The following FAM227B variants were observed in gnomAD, a reference collection of about 807,000 sequenced individuals.
FAM227B encodes family with sequence similarity 227 member B.
A neutral mutation model predicts 73.8 loss-of-function variants in FAM227B; 88 were observed. The observed-to-expected ratio is 1.19, with a 90% confidence interval of 1.00 to 1.42. The LOEUF (loss-of-function observed/expected upper bound fraction) is 1.42, where lower values mean the gene tolerates loss of function less well. FAM227B is among the 40% of genes most tolerant of loss of function. FAM227B has a pLI of 0.00. For missense variants in FAM227B, 632 were observed against 590.9 expected, an observed-to-expected ratio of 1.07 and a Z score of -0.72; for synonymous variants, 210 against 190.5, an observed-to-expected ratio of 1.10 and a Z score of -0.84.
intron 13 of FAM227B, 105 bp from the exon 14 acceptor site, chr15:49,335,601 A>G: frequency 1.4e-6 from 1 of 695,226 alleles, no homozygotes. Flanking sequence ...TTCACTTTTC[A>G]GTAATGAAGA....
intron 11 of FAM227B, among the ~76,000 whole-genome samples, chr15:49,420,854 C>T (rs374396306): frequency 4.6e-5 from 7 of 152,030 alleles, no homozygotes; most frequent in African/African-American, 1.5e-4. Flanking sequence ...TACAGGCGCC[C>T]GCTACCATGC....
chr15:49,403,635 G>A (rs990600431), intron 11 of FAM227B, among the ~76,000 whole-genome samples: 1 of 151,564 alleles, frequency 6.6e-6, no homozygotes, highest in African/African-American at 2.4e-5. Context: ...GATTGTGTTT[G>A]TTTGGATCTT....
At chr15:49,545,813 T>A (rs971424982) in intron 9 of FAM227B, among the ~76,000 whole-genome samples, 1 of 152,146 alleles carries the variant, frequency 6.6e-6, no homozygotes, top group African/African-American at 2.4e-5. Flanking sequence ...AGGGTTCCTT[T>A]TGGAGTAATT....
At chr15:49,397,867 C>T (rs986978769) in intron 11 of FAM227B, among the ~76,000 whole-genome samples, 2 of 152,154 alleles carry the variant, frequency 1.3e-5, no homozygotes, top group Non-Finnish European at 2.9e-5. Flanking sequence ...CGGAAAGGAA[C>T]CACCGGTACC....
chr15:49,446,625 A>G (rs992896724), intron 11 of FAM227B, among the ~76,000 whole-genome samples: 2 of 151,560 alleles, frequency 1.3e-5, no homozygotes, highest in Non-Finnish European at 3.0e-5. Flanking sequence ...AAAATGTGAA[A>G]AAAAGGTGCA....
intron 11 of FAM227B, among the ~76,000 whole-genome samples, chr15:49,495,686 C>T (rs2057538821): frequency 6.6e-6 from 1 of 152,028 alleles, no homozygotes; most frequent in Non-Finnish European, 1.5e-5. Context: ...TTTATTATCC[C>T]TGAGCATTGC....
chr15:49,607,462 C>T (rs1450114473), intron 3 of FAM227B, among the ~76,000 whole-genome samples: 1 of 152,084 alleles, frequency 6.6e-6, no homozygotes, highest in Non-Finnish European at 1.5e-5. Flanking sequence ...AGAATGGCAG[C>T]CACATTTGAA....
chr15:49,620,364 C>G (rs532202792), intron 1 of FAM227B, among the ~76,000 whole-genome samples: 2 of 152,240 alleles, frequency 1.3e-5, no homozygotes, highest in South Asian at 4.1e-4. Context: ...AACATTTGAC[C>G]ATTGTGTTTT....
intron 11 of FAM227B, among the ~76,000 whole-genome samples, chr15:49,391,683 C>T (rs558826000): frequency 3.2e-4 from 49 of 152,202 alleles, no homozygotes; most frequent in Non-Finnish European, 6.0e-4. Context: ...AATTGCAAAT[C>T]AAAGAATCTC....
chr15:49,454,152 TAC>T (rs2053045763), intron 11 of FAM227B, among the ~76,000 whole-genome samples: 1 of 152,168 alleles, frequency 6.6e-6, no homozygotes, highest in Non-Finnish European at 1.5e-5. Context: ...ATAAAAGAAA[TAC>T]AGAGTGAATG....
intron 9 of FAM227B, among the ~76,000 whole-genome samples, chr15:49,552,457 G>C (rs2073145477): frequency 6.6e-6 from 1 of 152,026 alleles, no homozygotes. Context: ...AACATCTTAA[G>C]TAATCTTTGG....
intron 11 of FAM227B, among the ~76,000 whole-genome samples, chr15:49,387,112 A>G (rs1433017279): frequency 6.6e-6 from 1 of 151,914 alleles, no homozygotes; most frequent in Non-Finnish European, 1.5e-5. Context: ...CAAAAGATTG[A>G]GAAGGAAGGA....
chr15:49,394,543 T>G (rs2047437281), intron 11 of FAM227B, among the ~76,000 whole-genome samples: 1 of 152,168 alleles, frequency 6.6e-6, no homozygotes, highest in Non-Finnish European at 1.5e-5. Flanking sequence ...AGTTATATAA[T>G]TATGAATTTA....
intron 11 of FAM227B, among the ~76,000 whole-genome samples, chr15:49,430,103 C>T (rs2050463489): frequency 6.6e-6 from 1 of 151,854 alleles, no homozygotes; most frequent in African/African-American, 2.4e-5. Context: ...GCTCATCTGA[C>T]CTCTCTGACA....
chr15:49,492,409 CCTGT>C (rs2057199053), intron 11 of FAM227B, among the ~76,000 whole-genome samples: 1 of 151,724 alleles, frequency 6.6e-6, no homozygotes, highest in Admixed American at 6.6e-5. Flanking sequence ...TTTCTTTATT[CCTGT>C]CTGTTATTGT....
At chr15:49,573,363 T>C (rs779255528) in intron 8 of FAM227B, among the ~76,000 whole-genome samples, 3 of 152,170 alleles carry the variant, frequency 2.0e-5, no homozygotes, top group African/African-American at 4.8e-5. Context: ...AGCAACTGTT[T>C]AATGTGGACT....
At chr15:49,505,373 C>T (rs1222397014) in intron 11 of FAM227B, among the ~76,000 whole-genome samples, 5 of 151,974 alleles carry the variant, frequency 3.3e-5, no homozygotes, top group Admixed American at 1.3e-4. Context: ...AAATTTTACA[C>T]TTTAAATATA....
intron 11 of FAM227B, among the ~76,000 whole-genome samples, chr15:49,473,607 G>A (rs945565496): frequency 6.6e-6 from 1 of 151,958 alleles, no homozygotes; most frequent in Admixed American, 6.6e-5. Flanking sequence ...GGGGTATAAT[G>A]ACTCTCTACC....
intron 9 of FAM227B, 122 bp downstream of exon 9, chr15:49,568,123 A>T: frequency 1.3e-6 from 1 of 775,330 alleles, no homozygotes; most frequent in Non-Finnish European, 2.0e-6. Context: ...CTAATACTCT[A>T]CACCAACTTT....
Sources: gnomAD v4.1 joint callset for allele counts (sites outside exome capture counted in the v4.1 genomes callset) on GRCh38, gnomAD v4.1.1 for gene constraint, MANE v1.5 for transcripts, NCBI Gene and HGNC (gene_info 2026-07-23, HGNC 2026-07-21) for gene names.